ARHGEF2: variants seen among roughly 807,000 people sequenced by gnomAD.
ARHGEF2 encodes rho guanine nucleotide exchange factor 2.
ARHGEF2 carries 22 observed loss-of-function variants against 121.0 expected under a neutral mutation model. The ratio of observed to expected loss-of-function variants is 0.18; its 90% confidence interval spans 0.13 to 0.26. ARHGEF2 has a LOEUF of 0.26. ARHGEF2 is among the 10% of genes least tolerant of loss of function. ARHGEF2 has a pLI of 1.00. For missense variants in ARHGEF2, 907 were observed against 1,336.0 expected, an observed-to-expected ratio of 0.68 and a Z score of 5.01; for synonymous variants, 487 against 530.0, an observed-to-expected ratio of 0.92 and a Z score of 1.11.
chr1:155,977,892 C>T (rs1247014879), intron 1 of ARHGEF2, among the ~76,000 whole-genome samples: 1 of 152,164 alleles, frequency 6.6e-6, no homozygotes, highest in African/African-American at 2.4e-5. Context: ...CCCTCCCGTC[C>T]CCTCCGCCGG....
chr1:155,951,527 A>G lies in ARHGEF2; in HGVS notation c.2215T>C (p.Leu739=). The G allele has an allele frequency of 6.2e-7, 1 of 1,614,146 alleles. No individual in the cohort carries two copies. The highest frequency in any genetic ancestry group is 8.5e-7 in the Non-Finnish European group (1 of 1,180,006). ...NQLRSPQEEA[L]QRLVNLYGLL... is the part of the protein sequence containing the mutation. Reference sequence around the variant, plus strand: ...CCATAGAGATTGACCAATCGCTGTAACGCCTCCTGAGGACAGACAGGGTGG... The same window carrying G: ...CCATAGAGATTGACCAATCGCTGTAGCGCCTCCTGAGGACAGACAGGGTGG... The change falls in exon 19 of 22, where the codon TTA becomes CTA. Residue 739 remains leucine, a synonymous_variant. Transcript: ENST00000361247. The surrounding 1 kb of genome is among the most constrained non-coding windows in gnomAD (Gnocchi z 5.1).
At position 155,952,126 on chromosome 1, in the gene ARHGEF2, C is replaced by T. The variant is rs187091051; in HGVS notation, c.2094G>A (p.Gly698=). The stretch of plus-strand genomic sequence containing the variant: ...TGCCCTGGTACTCACTGGCAGTGAC[C>T]CCAGGACTCGTGTTACCACCGCTGT... The part of the protein sequence containing the change: ...EPDSGGNTSP[G]VTANGEARTF... Residue 698 remains glycine, a synonymous_variant, in exon 16 of 22, where the codon GGG becomes GGA. Coordinates refer to ENST00000361247, the MANE Select transcript of ARHGEF2 (RefSeq NM_001162383.2). 3.7e-4 allele frequency: 597 copies of T among 1,614,096 alleles called. 1 individual carries two copies. The highest frequency in any genetic ancestry group is 4.9e-4 in the Non-Finnish European group (581 of 1,180,010).
Position 155,978,439 on chromosome 1 carries a change from G to C in ARHGEF2, c.-12C>G, listed in dbSNP as rs1205132376. 1.4e-6 allele frequency: 2 copies of C among 1,480,274 alleles called. No homozygotes were observed. Among genetic ancestry groups the C allele is most frequent in the South Asian group, 2.5e-5 (2 of 79,176 alleles). The allele number at this position is 1,480,274 out of a possible 1,614,324, so 91.7% of individuals were successfully genotyped here. On this transcript the variant is annotated 5_prime_UTR_variant, in exon 1 of 22. Coordinates refer to ENST00000361247, the MANE Select transcript of ARHGEF2 (RefSeq NM_001162383.2). This position sits in a 1 kb window ranked among gnomAD's most constrained non-coding sequence, Gnocchi z 4.1. The stretch of plus-strand genomic sequence containing the variant: ...TCGATCCGAGACATAATCGGACGGG[G>C]GGACCAGGGAGGACGCGGCGCGGAC...
Position 155,977,951 on chromosome 1 carries a change from G to C in ARHGEF2, c.63+414C>G, listed in dbSNP as rs529141490. ...ACCAAGCCAGCGATTGGGGAGTGATGGGGGGTCGCCACGCCAAGCCCAAGC... is the reference window on the plus strand; with the variant it reads ...ACCAAGCCAGCGATTGGGGAGTGATCGGGGGTCGCCACGCCAAGCCCAAGC... On this transcript the variant is annotated intron_variant, in intron 1 of 21. Coordinates refer to ENST00000361247, the MANE Select transcript of ARHGEF2 (RefSeq NM_001162383.2). The C allele has an allele frequency of 2.4e-4, 83 of 350,614 alleles. No individual in the cohort carries two copies. The Middle Eastern group carries it at 5.7e-3, about 24-fold the overall frequency. 21.7% of individuals were successfully genotyped at this position (350,614 alleles called of 1,614,324 possible).
At chr1:155,949,596 T>A (rs962151044) in intron 21 of ARHGEF2, among the ~76,000 whole-genome samples, 1 of 149,528 alleles carries the variant, frequency 6.7e-6, no homozygotes, top group African/African-American at 2.5e-5. Context: ...AAAAAAAATT[T>A]AGCCAGGCGT....
chr1:155,966,908 G>A (rs758600152), intron 2 of ARHGEF2, 21 bp from the exon 3 acceptor site: 2 of 1,612,538 alleles, frequency 1.2e-6, no homozygotes, highest in South Asian at 1.1e-5. Flanking sequence ...GGGGTAGAGA[G>A]GGTGAAGGGA....
chr1:155,962,984 G>T lies in ARHGEF2; in HGVS notation c.924C>A (p.Gly308=), dbSNP rs138847349. ...GATGGATGACAAAGTTCCGGGTGCT[G>T]CCAGGGCACAGGGCCTGGCGTCGGC... is the stretch of plus-strand genomic sequence containing the variant. ...LERRRQALCP[G]STRNFVIHRL... The change falls in exon 8 of 22, where the codon GGC becomes GGA. Residue 308 remains glycine (G), a synonymous_variant. Coordinates refer to ENST00000361247, the MANE Select transcript of ARHGEF2 (RefSeq NM_001162383.2). The surrounding 1 kb of genome is among the most constrained non-coding windows in gnomAD (Gnocchi z 5.8). 9 of 1,614,086 alleles carry T rather than the reference G, an allele frequency of 5.6e-6. No individual in the cohort carries two copies. The African/African-American group carries it at 9.3e-5, about 17-fold the overall frequency.
chr1:155,978,672 TTG>T, upstream of ARHGEF2: 1 of 1,056,452 alleles, frequency 9.5e-7, no homozygotes, highest in Admixed American at 4.2e-5. The surrounding 1 kb of genome is among the most constrained non-coding windows in gnomAD (Gnocchi z 4.1). Context: ...ACGCCAGGGT[TTG>T]TGTGGGGGCA....
Position 155,950,084 on chromosome 1 carries a change from C to T in ARHGEF2, c.2887+215G>A, listed in dbSNP as rs1675103676. Among the ~76,000 whole-genome samples the T allele has an allele frequency of 6.6e-6, 1 of 152,120 alleles. No homozygotes were observed. Among genetic ancestry groups the T allele is most frequent in the South Asian group, 2.1e-4 (1 of 4,828 alleles). ...TTTAAAAAAGAATCTGTTTTTACTTCTAAAGGTTGGGAATCACCAACCAGT... is the reference window on the plus strand; with the variant it reads ...TTTAAAAAAGAATCTGTTTTTACTTTTAAAGGTTGGGAATCACCAACCAGT... On this transcript the variant is annotated intron_variant, in intron 21 of 21. Transcript: ENST00000361247. This position sits in a 1 kb window ranked among gnomAD's most constrained non-coding sequence, Gnocchi z 5.2.
rs1355641945 is a variant in ARHGEF2, at chr1:155,962,333, G to T, written c.1102-111C>A. 2.5e-6 allele frequency: 3 copies of T among 1,186,020 alleles called. No individual in the cohort carries two copies. The highest frequency in any genetic ancestry group is 3.6e-6 in the Non-Finnish European group (3 of 832,118). The allele number at this position is 1,186,020 out of a possible 1,614,324, so 73.5% of individuals were successfully genotyped here. A position where few individuals can be genotyped will look rare whatever the true frequency, so the allele number is the denominator to read the frequency against. On this transcript the variant is annotated intron_variant, in intron 9 of 21. Coordinates refer to ENST00000361247, the MANE Select transcript of ARHGEF2 (RefSeq NM_001162383.2). This position sits in a 1 kb window ranked among gnomAD's most constrained non-coding sequence, Gnocchi z 5.8. ...GGCCATTTACCTCATGCTTGCCTAG[G>T]TGACATATCTGGAAAATGGGGATAA...
In ARHGEF2 at chr1:155,966,804, C is replaced by T. The variant is rs1679478620; in HGVS notation, c.276+16G>A. The T allele has an allele frequency of 1.2e-6, 2 of 1,605,774 alleles. No individual in the cohort carries two copies. Among genetic ancestry groups the T allele is most frequent in the Non-Finnish European group, 1.7e-6 (2 of 1,172,622 alleles). ...CTACCCTCTCCCCCAGCCCTCTGCC[C>T]TCCCTGCCGTCTCACCTTCTGCTTG... is the stretch of plus-strand genomic sequence containing the variant. On this transcript the variant is annotated intron_variant, in intron 3 of 21. Coordinates refer to ENST00000361247, the MANE Select transcript of ARHGEF2 (RefSeq NM_001162383.2).
chr1:155,978,347 AG>A lies in ARHGEF2; in HGVS notation c.63+17del, dbSNP rs1424823174. On this transcript the variant is annotated intron_variant, in intron 1 of 21. Coordinates refer to ENST00000361247, the MANE Select transcript of ARHGEF2 (RefSeq NM_001162383.2). The surrounding 1 kb of genome is among the most constrained non-coding windows in gnomAD (Gnocchi z 4.1). ...CACCCGAGGACCGCGGCGAAAGGAG[AG>A]GGGTTTCCGAGCCCACCTTGCTCGC... The A allele has an allele frequency of 6.7e-7, 1 of 1,502,958 alleles. No individual in the cohort carries two copies. The highest frequency in any genetic ancestry group is 1.4e-5 in the African/African-American group (1 of 71,168). 93.1% of individuals were successfully genotyped at this position (1,502,958 alleles called of 1,614,324 possible). A position where few individuals can be genotyped will look rare whatever the true frequency, so the allele number is the denominator to read the frequency against.
chr1:155,948,051 G>T, intron 21 of ARHGEF2, 36 bp from the exon 22 acceptor site: 1 of 1,524,424 alleles, frequency 6.6e-7, no homozygotes, highest in Non-Finnish European at 8.9e-7. Context: ...TGAGTTAGCA[G>T]AGACTCCCAT....
chr1:155,950,237 G>A lies in ARHGEF2; in HGVS notation c.2887+62C>T. 6.3e-7 allele frequency: 1 copy of A among 1,583,410 alleles called. No homozygotes were observed. The highest frequency in any genetic ancestry group is 8.6e-7 in the Non-Finnish European group (1 of 1,165,446). ...AGTTAGGGCCCATTTGGAAGCCACA[G>A]CCCAATGGCCTGTACCCAGGCTGCA... is the stretch of plus-strand genomic sequence containing the variant. On this transcript the variant is annotated intron_variant, in intron 21 of 21. Coordinates refer to ENST00000361247, the MANE Select transcript of ARHGEF2 (RefSeq NM_001162383.2). The surrounding 1 kb of genome is among the most constrained non-coding windows in gnomAD (Gnocchi z 5.2).
In ARHGEF2 at chr1:155,978,073, A is replaced by C; in HGVS notation, c.63+292T>G. 8.6e-7 allele frequency: 1 copy of C among 1,163,404 alleles called. No homozygotes were observed. Among genetic ancestry groups the C allele is most frequent in the Non-Finnish European group, 1.1e-6 (1 of 942,998 alleles). 72.1% of individuals were successfully genotyped at this position (1,163,404 alleles called of 1,614,324 possible). The stretch of plus-strand genomic sequence containing the variant: ...TTCCCGCTCCGTCCCTTACCGGAGC[A>C]ACTTTCTTTCAAGCGGCCTAAAGCA... On this transcript the variant is annotated intron_variant, in intron 1 of 21. Transcript: ENST00000361247. This position sits in a 1 kb window ranked among gnomAD's most constrained non-coding sequence, Gnocchi z 4.1.
intron 7 of ARHGEF2, among the ~76,000 whole-genome samples, chr1:155,964,180 A>ATATACATATATATATG (rs1678794808): frequency 9.8e-6 from 1 of 101,576 alleles, no homozygotes; most frequent in Non-Finnish European, 1.8e-5. Context: ...ATATATATAT[A>ATATACATATATATATG]TATATATATA....
chr1:155,952,596 G>A (rs761716792), intron 15 of ARHGEF2, 32 bp downstream of exon 15: 1 of 1,583,794 alleles, frequency 6.3e-7, no homozygotes, highest in East Asian at 2.2e-5. Flanking sequence ...GTGAGTGCTT[G>A]AGCCTGGACT....
chr1:155,969,501 C>G, intron 1 of ARHGEF2: 1 of 1,414,620 alleles, frequency 7.1e-7, no homozygotes, highest in Non-Finnish European at 9.2e-7. Flanking sequence ...TCTGGGGCAG[C>G]CAGCCCGGAT....
chr1:155,978,223 CGT>C lies in ARHGEF2; in HGVS notation c.63+140_63+141del, dbSNP rs2102702282. On this transcript the variant is annotated intron_variant, in intron 1 of 21. Coordinates refer to ENST00000361247, the MANE Select transcript of ARHGEF2 (RefSeq NM_001162383.2). The surrounding 1 kb of genome is among the most constrained non-coding windows in gnomAD (Gnocchi z 4.1). ...ACTCGCTCGCAGTCCCCACCCACCC[CGT>C]CCCGCCGCTCGCCGATCCACCGCTC... is the stretch of plus-strand genomic sequence containing the variant. The C allele has an allele frequency of 2.0e-5, 27 of 1,323,638 alleles. No individual in the cohort carries two copies. The highest frequency in any genetic ancestry group is 3.2e-5 in the East Asian group (1 of 31,414). 82.0% of individuals were successfully genotyped at this position (1,323,638 alleles called of 1,614,324 possible). A position where few individuals can be genotyped will look rare whatever the true frequency, so the allele number is the denominator to read the frequency against.
Sources: gnomAD v4.1 joint callset for allele counts (sites outside exome capture counted in the v4.1 genomes callset) on GRCh38, gnomAD v4.1.1 for gene constraint, Gnocchi (gnomAD v3.1) non-coding constraint, MANE v1.5 for transcripts, NCBI Gene and HGNC (gene_info 2026-07-23, HGNC 2026-07-21) for gene names.